Variants in ZFR observed in about 807,000 individuals in gnomAD.
ZFR encodes the protein zinc finger RNA binding protein.
A neutral mutation model predicts 130.7 loss-of-function variants in ZFR; 19 were observed. The observed-to-expected ratio is 0.15, with a 90% CI of 0.10 to 0.21. The LOEUF (loss-of-function observed/expected upper bound fraction) is 0.21. ZFR is among the 10% of genes least tolerant of loss of function. The probability of loss-of-function intolerance (pLI) is 1.00; values close to 1 mark genes in which losing one functional copy is unlikely to be tolerated. For missense variants in ZFR, 872 were observed against 1,321.5 expected (o/e 0.66, Z 5.27); for synonymous variants, 466 against 456.9 (o/e 1.02, Z -0.25).
At chr5:32,441,916 G>A (rs1359235436) in intron 2 of ZFR, among the ~76,000 whole-genome samples, 2 of 150,674 alleles carry the variant, frequency 1.3e-5, no homozygotes, top group Non-Finnish European at 2.9e-5. Context: ...TAGTAACCTG[G>A]ATTGTTGTTA....
At position 32,355,453 on chromosome 5, in the gene ZFR, G is replaced by A; in HGVS notation, c.*307C>T. ...TACAGTGAAGATTTAATAAGACAAT[G>A]CACTAGTTAATAAAAGACACAAAAA... is the stretch of plus-strand genomic sequence containing the variant. On this transcript the variant is annotated 3_prime_UTR_variant, in exon 20 of 20. Coordinates refer to ENST00000265069, the MANE Select transcript of ZFR (RefSeq NM_016107.5). The A allele has an allele frequency of 5.1e-6, 1 of 196,256 alleles. No individual in the cohort carries two copies. Among genetic ancestry groups the A allele is most frequent in the Non-Finnish European group, 1.0e-5 (1 of 97,916 alleles). 12.2% of individuals were successfully genotyped at this position (196,256 alleles called of 1,614,324 possible).
chr5:32,423,956 A>G (rs1169714332), intron 2 of ZFR, among the ~76,000 whole-genome samples: 1 of 152,208 alleles, frequency 6.6e-6, no homozygotes, highest in Non-Finnish European at 1.5e-5. Flanking sequence ...AGATTTTTTA[A>G]CCACTCAAGG....
In ZFR at chr5:32,410,283, C is replaced by CAAAAA. The variant is rs3065266; in HGVS notation, c.785-3267_785-3263dup. Among the ~76,000 whole-genome samples, 19 of 113,162 alleles carry CAAAAA rather than the reference C, an allele frequency of 1.7e-4. 1 individual carries two copies. Among genetic ancestry groups the CAAAAA allele is most frequent in the East Asian group, 1.4e-3 (4 of 2,836 alleles). The allele number at this position is 113,162 out of a possible 152,430, so 74.2% of individuals were successfully genotyped here. ...GGGTGACACAGCAAGACACTGTCTC[C>CAAAAA]AAAAAAAAAAAAAAAAAAAAAAAAA... On this transcript the variant is annotated intron_variant, in intron 5 of 19. Coordinates refer to ENST00000265069, the MANE Select transcript of ZFR (RefSeq NM_016107.5).
intron 14 of ZFR, 105 bp from the exon 15 acceptor site, chr5:32,385,754 A>T: frequency 7.7e-7 from 1 of 1,298,528 alleles, no homozygotes; most frequent in Non-Finnish European, 1.1e-6. Flanking sequence ...ACCATTCTAT[A>T]TGAGGACCAG....
At chr5:32,361,449 T>A (rs1001993028) in intron 19 of ZFR, among the ~76,000 whole-genome samples, 1 of 152,216 alleles carries the variant, frequency 6.6e-6, no homozygotes, top group South Asian at 2.1e-4. Flanking sequence ...TTTATCATCA[T>A]AATATACTAA....
At position 32,385,999 on chromosome 5, in the gene ZFR, T is replaced by C. The variant is rs559297233; in HGVS notation, c.2500-350A>G. On this transcript the variant is annotated intron_variant, in intron 14 of 19. Transcript: ENST00000265069. The stretch of plus-strand genomic sequence containing the variant: ...AGCTAAAATAGCTACCTGACCTTAA[T>C]AGGAGCTACAATTTATTCCCATATT... Among the ~76,000 whole-genome samples, 4 of 152,242 alleles carry C rather than the reference T, an allele frequency of 2.6e-5. No homozygotes were observed. The East Asian group carries it at 7.7e-4, about 29-fold the overall frequency.
intron 2 of ZFR, among the ~76,000 whole-genome samples, chr5:32,424,270 G>A (rs113094267): frequency 1.6e-4 from 25 of 152,290 alleles, no homozygotes; most frequent in African/African-American, 3.8e-4. Flanking sequence ...TAGGCTGGGC[G>A]TGGTGGCTCA....
At chr5:32,424,281 C>CGCCTGTAATCCCAGCACTTTGGGAG (rs1754019438) in intron 2 of ZFR, among the ~76,000 whole-genome samples, 1 of 152,134 alleles carries the variant, frequency 6.6e-6, no homozygotes, top group South Asian at 2.1e-4. Context: ...TGGTGGCTCA[C>CGCCTGTAATCCCAGCACTTTGGGAG]GCCTGTAATC....
chr5:32,430,018 A>AC (rs1754167031), intron 2 of ZFR, among the ~76,000 whole-genome samples: 1 of 144,682 alleles, frequency 6.9e-6, no homozygotes, highest in Admixed American at 7.3e-5. Context: ...CAACTGCACC[A>AC]CCGCAATCCT....
At chr5:32,437,191 A>T (rs1213020288) in intron 2 of ZFR, among the ~76,000 whole-genome samples, 1 of 152,160 alleles carries the variant, frequency 6.6e-6, no homozygotes. Flanking sequence ...CATAGTCAAA[A>T]TCCTCCAATT....
At chr5:32,426,217 C>T (rs550142222) in intron 2 of ZFR, among the ~76,000 whole-genome samples, 16 of 152,204 alleles carry the variant, frequency 1.1e-4, no homozygotes, top group African/African-American at 3.9e-4. Flanking sequence ...TGTGTATGTG[C>T]TCTTAACCAT....
At chr5:32,432,015 A>G (rs144992583) in intron 2 of ZFR, among the ~76,000 whole-genome samples, 19 of 148,730 alleles carry the variant, frequency 1.3e-4, no homozygotes, top group African/African-American at 4.5e-4. Flanking sequence ...TTTTGGACAC[A>G]GGGTCTCACT....
At chr5:32,379,731 T>C (rs1752895889) in intron 16 of ZFR, 1 of 200,088 alleles carries the variant, frequency 5.0e-6, no homozygotes, top group African/African-American at 2.3e-5. Flanking sequence ...ACATATTCCA[T>C]TATTTAAAGC....
chr5:32,403,477 A>C, intron 7 of ZFR, 80 bp from the exon 8 acceptor site: 1 of 1,486,594 alleles, frequency 6.7e-7, no homozygotes, highest in African/African-American at 1.4e-5. Flanking sequence ...ATAAAATGAA[A>C]ATCTAAACCA....
chr5:32,397,095 T>C (rs926029501), intron 10 of ZFR, 124 bp downstream of exon 10: 30 of 1,073,348 alleles, frequency 2.8e-5, no homozygotes, highest in Non-Finnish European at 3.6e-5. Flanking sequence ...ATGCTAATCT[T>C]AGAATGGGAC....
chr5:32,409,356 T>C (rs1438765125), intron 5 of ZFR, among the ~76,000 whole-genome samples: 1 of 152,182 alleles, frequency 6.6e-6, no homozygotes, highest in Non-Finnish European at 1.5e-5. Context: ...TAATACCATG[T>C]AAGTGCTATA....
chr5:32,417,838 AGG>A (rs1367369485), intron 3 of ZFR, 46 bp from the exon 4 acceptor site: 22 of 1,593,862 alleles, frequency 1.4e-5, no homozygotes, highest in Admixed American at 1.4e-4. Context: ...GACAAGTGGA[AGG>A]AAAAAAATAC....
chr5:32,423,325 G>T (rs1268448560), intron 2 of ZFR, among the ~76,000 whole-genome samples: 1 of 151,774 alleles, frequency 6.6e-6, no homozygotes, highest in Non-Finnish European at 1.5e-5. Flanking sequence ...TGAGACCCCT[G>T]TCTCAAAAAA....
chr5:32,382,746 A>T, intron 15 of ZFR, among the ~76,000 whole-genome samples: 1 of 152,124 alleles, frequency 6.6e-6, no homozygotes, highest in Non-Finnish European at 1.5e-5. Context: ...AGTAGCTGGG[A>T]TTATAGGCAC....
Sources: gnomAD v4.1 joint callset for allele counts (sites outside exome capture counted in the v4.1 genomes callset) on GRCh38, gnomAD v4.1.1 for gene constraint, MANE v1.5 for transcripts, NCBI Gene and HGNC (gene_info 2026-07-23, HGNC 2026-07-21) for gene names.